ZNF592: variants seen among roughly 807,000 people sequenced by gnomAD.
The protein encoded by ZNF592 is zinc finger protein 592.
A neutral mutation model predicts 80.3 loss-of-function variants in ZNF592; 11 were observed. The observed-to-expected ratio is 0.14, with a 90% CI of 0.09 to 0.23. The LOEUF is 0.23. Among genes scored for constraint, ZNF592 ranks in the 10% least tolerant of loss-of-function variants. ZNF592 has a pLI of 1.00. For synonymous variants in ZNF592, 646 were observed against 640.3 expected (o/e 1.01, Z -0.13); for missense variants, 1,420 against 1,633.9 (o/e 0.87, Z 2.26).
At chr15:84,749,136 C>G (rs925452287) in intron 1 of ZNF592, among the ~76,000 whole-genome samples, 1 of 152,262 alleles carries the variant, frequency 6.6e-6, no homozygotes. Context: ...TTTGGCGCTC[C>G]TCAGTACTCC....
intron 4 of ZNF592, among the ~76,000 whole-genome samples, chr15:84,788,356 A>G (rs911815379): frequency 1.3e-5 from 2 of 152,080 alleles, no homozygotes; most frequent in African/African-American, 2.4e-5. Context: ...TTCTAATTCT[A>G]TTGTTTCTTT....
At chr15:84,795,830 TG>T (rs1309412121) in intron 5 of ZNF592, among the ~76,000 whole-genome samples, 1 of 152,124 alleles carries the variant, frequency 6.6e-6, no homozygotes. Flanking sequence ...TCTGGTTCCG[TG>T]GGCTGCTCTT....
At chr15:84,771,432 C>T (rs1054069398) in intron 2 of ZNF592, among the ~76,000 whole-genome samples, 1 of 152,050 alleles carries the variant, frequency 6.6e-6, no homozygotes, top group Non-Finnish European at 1.5e-5. Flanking sequence ...ATAGCTCAAA[C>T]CCTGGCAGAG....
At chr15:84,791,056 G>A (rs974910748) in intron 5 of ZNF592, among the ~76,000 whole-genome samples, 173 bp downstream of exon 5, 2 of 152,180 alleles carry the variant, frequency 1.3e-5, no homozygotes, top group African/African-American at 4.8e-5. Flanking sequence ...CAGACAGGAA[G>A]AACAAGAGAG....
At chr15:84,765,450 A>G (rs906367087) in intron 2 of ZNF592, among the ~76,000 whole-genome samples, 4 of 151,692 alleles carry the variant, frequency 2.6e-5, no homozygotes, top group Admixed American at 1.3e-4. Context: ...ACTGCTTTCT[A>G]TAGCAGCTGC....
intron 2 of ZNF592, among the ~76,000 whole-genome samples, chr15:84,773,112 AT>A (rs999923812): frequency 9.2e-5 from 14 of 151,794 alleles, no homozygotes; most frequent in African/African-American, 2.9e-4. Flanking sequence ...ACATTTATAT[AT>A]TTTTTTAAAG....
intron 1 of ZNF592, chr15:84,753,206 A>G (rs1192333403): frequency 2.6e-5 from 4 of 152,212 alleles, no homozygotes; most frequent in East Asian, 1.9e-4. Flanking sequence ...GGAGCGTTCC[A>G]TAGAGTTAGG....
chr15:84,773,735 C>A (rs1174525631), intron 2 of ZNF592, among the ~76,000 whole-genome samples: 1 of 150,654 alleles, frequency 6.6e-6, no homozygotes, highest in Non-Finnish European at 1.5e-5. Context: ...AAATTTTCAT[C>A]TCTCCAGAAA....
At chr15:84,786,503 G>C (rs1260604950) in intron 4 of ZNF592, among the ~76,000 whole-genome samples, 2 of 152,096 alleles carry the variant, frequency 1.3e-5, no homozygotes, top group Admixed American at 1.3e-4. Context: ...GGCTGGTCTT[G>C]GAAATATTAG....
chr15:84,752,930 G>A (rs915274476), intron 1 of ZNF592, among the ~76,000 whole-genome samples: 1 of 152,292 alleles, frequency 6.6e-6, no homozygotes, highest in South Asian at 2.1e-4. Flanking sequence ...AGTGACAGAT[G>A]TTTCTGTCCT....
chr15:84,758,180 G>A (rs1163966101), intron 1 of ZNF592, among the ~76,000 whole-genome samples: 1 of 150,524 alleles, frequency 6.6e-6, no homozygotes, highest in Non-Finnish European at 1.5e-5. Context: ...TCACCATCTT[G>A]GCCAGGCTGG....
chr15:84,779,240 A>G (rs1421824269), intron 3 of ZNF592, among the ~76,000 whole-genome samples: 1 of 152,134 alleles, frequency 6.6e-6, no homozygotes, highest in Non-Finnish European at 1.5e-5. Context: ...GGTAAATAGA[A>G]CTTTTTTATT....
At chr15:84,751,376 C>T (rs920029180) in intron 1 of ZNF592, among the ~76,000 whole-genome samples, 1 of 152,206 alleles carries the variant, frequency 6.6e-6, no homozygotes, top group Admixed American at 6.5e-5. Flanking sequence ...ATTCAGAGCC[C>T]ACTGGCTCTG....
intron 3 of ZNF592, among the ~76,000 whole-genome samples, chr15:84,780,696 A>G (rs1962395312): frequency 6.6e-6 from 1 of 152,138 alleles, no homozygotes; most frequent in African/African-American, 2.4e-5. Context: ...AAACCTGGAA[A>G]CCTGTTGATC....
At chr15:84,794,105 A>G (rs1357044271) in intron 5 of ZNF592, among the ~76,000 whole-genome samples, 1 of 151,520 alleles carries the variant, frequency 6.6e-6, no homozygotes, top group Non-Finnish European at 1.5e-5. Flanking sequence ...GTGGGGGGCT[A>G]GGGGAGGGAT....
At chr15:84,774,010 T>C (rs1962168370) in intron 2 of ZNF592, among the ~76,000 whole-genome samples, 1 of 152,212 alleles carries the variant, frequency 6.6e-6, no homozygotes, top group African/African-American at 2.4e-5. Context: ...AAACATGCGA[T>C]GTGGTATCTT....
chr15:84,794,380 T>A (rs1033367683), intron 5 of ZNF592, among the ~76,000 whole-genome samples: 1 of 152,226 alleles, frequency 6.6e-6, no homozygotes, highest in Non-Finnish European at 1.5e-5. Flanking sequence ...TTGCCAACAC[T>A]TGTTATTGTC....
intron 1 of ZNF592, among the ~76,000 whole-genome samples, chr15:84,758,924 TCTAA>T (rs1320582359): frequency 6.6e-6 from 1 of 152,064 alleles, no homozygotes; most frequent in African/African-American, 2.4e-5. Context: ...GGACTTTGTC[TCTAA>T]CTAACTAAAT....
chr15:84,761,117 C>T (rs888785397), intron 1 of ZNF592, among the ~76,000 whole-genome samples: 1 of 152,152 alleles, frequency 6.6e-6, no homozygotes. Context: ...GCATGCGTCA[C>T]CACACCTGGC....
Sources: allele counts gnomAD v4.1 joint callset (sites outside exome capture counted in the v4.1 genomes callset), GRCh38; gene constraint gnomAD v4.1.1; transcripts MANE v1.5; gene names NCBI Gene and HGNC (gene_info 2026-07-23, HGNC 2026-07-21).